The following SCYL3 variants were observed in gnomAD, a reference collection of about 807,000 sequenced individuals.
SCYL3 encodes SCY1 like pseudokinase 3.
In SCYL3, 35 loss-of-function variants were observed where a neutral mutation model predicts 73.8. The observed-to-expected ratio is 0.47, with a 90% CI of 0.36 to 0.63. SCYL3 has a LOEUF of 0.63. SCYL3 is among the 20% of genes least tolerant of loss of function. The pLI, the probability that SCYL3 is intolerant of heterozygous loss-of-function variation, is 0.00. For missense variants in SCYL3, 712 were observed against 798.9 expected, an observed-to-expected ratio of 0.89 and a Z score of 1.31; for synonymous variants, 277 against 295.2, an observed-to-expected ratio of 0.94 and a Z score of 0.63.
At chr1:169,884,158 T>C (rs1661506943) in intron 2 of SCYL3, among the ~76,000 whole-genome samples, 1 of 152,178 alleles carries the variant, frequency 6.6e-6, no homozygotes. Flanking sequence ...TAAGAAAATA[T>C]TGAAGAAAAA....
At chr1:169,858,834 A>G (rs1437284129) in intron 11 of SCYL3, among the ~76,000 whole-genome samples, 1 of 152,110 alleles carries the variant, frequency 6.6e-6, no homozygotes, top group Admixed American at 6.5e-5. Context: ...GTAAACATAT[A>G]TCTGTGTGTC....
At chr1:169,877,277 T>G (rs1318051953) in intron 3 of SCYL3, among the ~76,000 whole-genome samples, 2 of 150,998 alleles carry the variant, frequency 1.3e-5, no homozygotes, top group Non-Finnish European at 2.9e-5. Flanking sequence ...CACCTCAGTC[T>G]CCGGTGTAGG....
chr1:169,893,275 C>A (rs1662211022), intron 1 of SCYL3, among the ~76,000 whole-genome samples: 1 of 152,182 alleles, frequency 6.6e-6, no homozygotes, highest in African/African-American at 2.4e-5. Flanking sequence ...GCCAGCTGGG[C>A]CTTGGGGGAC....
Position 169,853,058 on chromosome 1 carries a change from A to C in SCYL3, c.*655T>G. 1 of 1,480,738 alleles carries C rather than the reference A, an allele frequency of 6.8e-7. No homozygotes were observed. The highest frequency in any genetic ancestry group is 1.2e-5 in the South Asian group (1 of 84,330). The allele number at this position is 1,480,738 out of a possible 1,614,324, so 91.7% of individuals were successfully genotyped here. A position where few individuals can be genotyped will look rare whatever the true frequency, so the allele number is the denominator to read the frequency against. Reference sequence around the variant, plus strand: ...AATACTTATGTCTGTACATTTTCTAACAGATATAAAACAAATTTTGTAAAG... The same window carrying C: ...AATACTTATGTCTGTACATTTTCTACCAGATATAAAACAAATTTTGTAAAG... On this transcript the variant is annotated 3_prime_UTR_variant, in exon 13 of 13. Transcript: ENST00000367771.
At chr1:169,862,468 T>C (rs80321263) in intron 10 of SCYL3, 145 bp downstream of exon 10, 13 of 831,352 alleles carry the variant, frequency 1.6e-5, no homozygotes, top group Non-Finnish European at 2.5e-5. Context: ...GGAATGGAAA[T>C]GCAATTTTAA....
intron 2 of SCYL3, among the ~76,000 whole-genome samples, chr1:169,885,219 A>G (rs1005271300): frequency 6.6e-6 from 1 of 152,210 alleles, no homozygotes; most frequent in Non-Finnish European, 1.5e-5. Context: ...TAATTTATCA[A>G]TGATGATATT....
At position 169,852,838 on chromosome 1, in the gene SCYL3, A is replaced by AG; in HGVS notation, c.*874dup. ...GGAGTTCCCCTGGGAAGAAGAGTAC[A>AG]GGTCAGCGCTGCATACAATAGCAGG... is the stretch of plus-strand genomic sequence containing the variant. On this transcript the variant is annotated 3_prime_UTR_variant, in exon 13 of 13. Transcript: ENST00000367771. 1 of 1,614,150 alleles carries AG rather than the reference A, an allele frequency of 6.2e-7. No homozygotes were observed. Among genetic ancestry groups the AG allele is most frequent in the African/African-American group, 1.3e-5 (1 of 75,032 alleles).
intron 1 of SCYL3, 38 bp from the exon 2 acceptor site, chr1:169,888,928 C>T: frequency 1.7e-6 from 2 of 1,208,522 alleles, no homozygotes; most frequent in Non-Finnish European, 2.2e-6. Context: ...ACATTAAATC[C>T]CTATCTGCAA....
chr1:169,867,337 T>A (rs1039255065), intron 7 of SCYL3, among the ~76,000 whole-genome samples: 1 of 152,230 alleles, frequency 6.6e-6, no homozygotes, highest in Admixed American at 6.5e-5. Context: ...TCAAGTCTCC[T>A]TTGATGAAAT....
chr1:169,870,239 T>C lies in SCYL3; in HGVS notation c.625+16A>G. 1.9e-6 allele frequency: 3 copies of C among 1,559,292 alleles called. No homozygotes were observed. In the South Asian group the frequency reaches 3.3e-5, roughly 17 times the overall value. ...CCTACTTATTCTATAGATGCAGTAGTATAACTCCAACTCACCCTGTTCATT... is the reference window on the plus strand; with the variant it reads ...CCTACTTATTCTATAGATGCAGTAGCATAACTCCAACTCACCCTGTTCATT... On this transcript the variant is annotated intron_variant, in intron 6 of 12. Coordinates refer to ENST00000367771, the MANE Select transcript of SCYL3 (RefSeq NM_020423.7).
At position 169,850,406 on chromosome 1, in the gene SCYL3, T is replaced by C; in HGVS notation, c.*3307A>G. 2 of 1,122,920 alleles carry C rather than the reference T, an allele frequency of 1.8e-6. No homozygotes were observed. The highest frequency in any genetic ancestry group is 2.6e-6 in the Non-Finnish European group (2 of 758,112). The allele number at this position is 1,122,920 out of a possible 1,614,324, so 69.6% of individuals were successfully genotyped here. ...TCCTATTTTTTTTTTTCCGAAATTA[T>C]GTAACTGTAACCAACCTGAGTGTCT... On this transcript the variant is annotated 3_prime_UTR_variant, in exon 13 of 13. Transcript: ENST00000367771.
At position 169,853,652 on chromosome 1, in the gene SCYL3, G is replaced by C. The variant is rs1278435995; in HGVS notation, c.*61C>G. On this transcript the variant is annotated 3_prime_UTR_variant, in exon 13 of 13. Coordinates refer to ENST00000367771, the MANE Select transcript of SCYL3 (RefSeq NM_020423.7). ...TTCTTGTCCCAAAGCCTGCTTTTGA[G>C]GTATTGATTTTTTTTAAAAAAAGGG... 7 of 1,566,992 alleles carry C rather than the reference G, an allele frequency of 4.5e-6. No homozygotes were observed. The highest frequency in any genetic ancestry group is 5.2e-6 in the Non-Finnish European group (6 of 1,143,248).
Position 169,852,897 on chromosome 1 carries a change from G to C in SCYL3, c.*816C>G. On this transcript the variant is annotated 3_prime_UTR_variant, in exon 13 of 13. Transcript: ENST00000367771. ...AAGCAACTGAGTCACTACTCCAAAA[G>C]GGTCCTGCTCCAGCCTGGCTTTCAA... The C allele has an allele frequency of 6.2e-7, 1 of 1,614,148 alleles. No homozygotes were observed.
chr1:169,878,406 A>G (rs966571450), intron 3 of SCYL3, among the ~76,000 whole-genome samples: 17 of 152,240 alleles, frequency 1.1e-4, no homozygotes, highest in Non-Finnish European at 7.3e-5. Context: ...ATAAAATTCT[A>G]TAAGTAACTG....
intron 11 of SCYL3, chr1:169,855,899 G>A (rs1397418279): frequency 1.9e-6 from 3 of 1,613,820 alleles, no homozygotes; most frequent in African/African-American, 1.3e-5. Flanking sequence ...TAGAGAAGGG[G>A]TTCTCCAAGA....
chr1:169,893,977 C>T (rs748587102), upstream of SCYL3: 1 of 152,344 alleles, frequency 6.6e-6, no homozygotes, highest in East Asian at 1.9e-4. Context: ...CACCTTCCTC[C>T]CTCCGACGCC....
At position 169,853,288 on chromosome 1, in the gene SCYL3, T is replaced by TATA. The variant is rs1553258160; in HGVS notation, c.*422_*424dup. ...AACCTCAGCAATTTAAAATCATTTATATAATTTATAGCTAAAATTTTTTAA... is the reference window on the plus strand; with the variant it reads ...AACCTCAGCAATTTAAAATCATTTATATAATAATTTATAGCTAAAATTTTTTAA... On this transcript the variant is annotated 3_prime_UTR_variant, in exon 13 of 13. Transcript: ENST00000367771. 1.7e-5 allele frequency: 6 copies of TATA among 357,918 alleles called. No homozygotes were observed. The highest frequency in any genetic ancestry group is 1.3e-4 in the African/African-American group (6 of 47,740). 22.2% of individuals were successfully genotyped at this position (357,918 alleles called of 1,614,324 possible).
At chr1:169,891,719 G>C (rs1216263294) in intron 1 of SCYL3, among the ~76,000 whole-genome samples, 2 of 152,240 alleles carry the variant, frequency 1.3e-5, no homozygotes, top group African/African-American at 4.8e-5. Context: ...TGGGAGATAA[G>C]ACTGCCACCA....
intron 2 of SCYL3, among the ~76,000 whole-genome samples, chr1:169,886,439 A>C (rs1661694493): frequency 3.3e-5 from 5 of 152,186 alleles, no homozygotes; most frequent in Admixed American, 3.3e-4. Context: ...AATAACATTG[A>C]CTAACCCTTC....
Sources: allele counts gnomAD v4.1 joint callset (sites outside exome capture counted in the v4.1 genomes callset), GRCh38; gene constraint gnomAD v4.1.1; transcripts MANE v1.5; gene names NCBI Gene and HGNC (gene_info 2026-07-23, HGNC 2026-07-21).